The following S100Z variants were observed in gnomAD, a reference collection of about 807,000 sequenced individuals.
S100Z encodes the protein S100 calcium binding protein Z.
Under a neutral mutation model 8.5 loss-of-function variants are expected in S100Z, and 11 were observed. The observed-to-expected ratio is 1.30, with a 90% CI of 0.82 to 2.15. S100Z has a LOEUF of 2.15. Ranked by LOEUF, S100Z falls within the 30% of genes most tolerant of loss-of-function variation. The probability of loss-of-function intolerance (pLI) is 0.00; values close to 1 mark genes in which losing one functional copy is unlikely to be tolerated. For missense variants in S100Z, 126 were observed against 117.9 expected, an observed-to-expected ratio of 1.07 and a Z score of -0.32; for synonymous variants, 34 against 43.8, an observed-to-expected ratio of 0.78 and a Z score of 0.89.
intron 1 of S100Z, among the ~76,000 whole-genome samples, chr5:76,859,783 A>AAG (rs1193031401): frequency 1.3e-5 from 2 of 151,244 alleles, no homozygotes; most frequent in Non-Finnish European, 2.9e-5. Flanking sequence ...AAAAAAAAAA[A>AAG]AAGAAATAAG....
chr5:76,869,308 T>G (rs1742918379), intron 1 of S100Z, among the ~76,000 whole-genome samples: 1 of 150,464 alleles, frequency 6.6e-6, no homozygotes, highest in Admixed American at 6.6e-5. Context: ...AAACATAAGG[T>G]AGGAAATAGG....
At chr5:76,850,668 C>T (rs1750703625) in intron 1 of S100Z, among the ~76,000 whole-genome samples, 1 of 152,204 alleles carries the variant, frequency 6.6e-6, no homozygotes, top group African/African-American at 2.4e-5. Flanking sequence ...CTCCTCTTCA[C>T]ACTGGCCAGT....
chr5:76,877,624 C>T, intron 3 of S100Z, 50 bp from the exon 4 acceptor site: 2 of 1,083,302 alleles, frequency 1.8e-6, no homozygotes, highest in Non-Finnish European at 2.8e-6. Context: ...TTTCAATTGT[C>T]ATCATGAACC....
At chr5:76,878,000 T>C (rs1351023771) in intron 4 of S100Z, 166 bp downstream of exon 4, 4 of 443,594 alleles carry the variant, frequency 9.0e-6, no homozygotes, top group Non-Finnish European at 1.6e-5. Flanking sequence ...CCCCTTAAAA[T>C]ATTGACTTTA....
chr5:76,933,336 A>C, the S100Z span, among the ~76,000 whole-genome samples: 73 of 152,330 alleles, frequency 4.8e-4, 1 homozygote, highest in Middle Eastern at 0.014. Context: ...ACAGTGGAAC[A>C]GGGAAGAATC....
the S100Z span, among the ~76,000 whole-genome samples, chr5:76,949,307 T>C: frequency 6.6e-6 from 1 of 151,932 alleles, no homozygotes; most frequent in African/African-American, 2.4e-5. Context: ...GAGAATGGCG[T>C]GGACCCAGGA....
At chr5:76,892,298 A>G (rs1026492432) in intron 4 of S100Z, among the ~76,000 whole-genome samples, 4 of 151,962 alleles carry the variant, frequency 2.6e-5, no homozygotes, top group African/African-American at 9.7e-5. Flanking sequence ...AGACCATCCT[A>G]CTCTTTCAAA....
chr5:76,906,832 T>C (rs1426789937), intron 4 of S100Z, among the ~76,000 whole-genome samples: 4 of 151,462 alleles, frequency 2.6e-5, no homozygotes, highest in Non-Finnish European at 5.9e-5. Flanking sequence ...AGGGTATCAC[T>C]GTGTTGGCCA....
the S100Z span, among the ~76,000 whole-genome samples, chr5:76,934,645 T>G: frequency 6.6e-6 from 1 of 152,226 alleles, no homozygotes; most frequent in Non-Finnish European, 1.5e-5. Flanking sequence ...CTTGTTCTTT[T>G]GTCTCTTCCA....
intron 4 of S100Z, among the ~76,000 whole-genome samples, chr5:76,893,614 C>T (rs572518570): frequency 6.6e-6 from 1 of 152,104 alleles, no homozygotes; most frequent in South Asian, 2.1e-4. Flanking sequence ...ACCATTGAGA[C>T]AATTATGTTC....
At chr5:76,933,313 C>G in the S100Z span, among the ~76,000 whole-genome samples, 1 of 152,228 alleles carries the variant, frequency 6.6e-6, no homozygotes, top group Non-Finnish European at 1.5e-5. Flanking sequence ...CCAGTGGTGT[C>G]TCCTCTGTCA....
chr5:76,917,364 C>A (rs79287593), intron 4 of S100Z, among the ~76,000 whole-genome samples: 1 of 152,082 alleles, frequency 6.6e-6, no homozygotes. Flanking sequence ...TAGATAGTCA[C>A]AATAATTCTG....
chr5:76,915,524 C>T (rs759523011), intron 4 of S100Z, among the ~76,000 whole-genome samples: 1 of 151,886 alleles, frequency 6.6e-6, no homozygotes, highest in Non-Finnish European at 1.5e-5. Flanking sequence ...AGGAGAATGG[C>T]GTGAACCCGG....
chr5:76,928,979 AG>A, the S100Z span, among the ~76,000 whole-genome samples: 1 of 152,194 alleles, frequency 6.6e-6, no homozygotes, highest in Non-Finnish European at 1.5e-5. Flanking sequence ...GGGGCTCTCA[AG>A]TGTTCCTCCA....
At chr5:76,888,170 T>C (rs1743715418) in intron 4 of S100Z, among the ~76,000 whole-genome samples, 1 of 150,192 alleles carries the variant, frequency 6.7e-6, no homozygotes, top group Non-Finnish European at 1.5e-5. Context: ...GGCAGGAGAA[T>C]CGCTGGAACC....
chr5:76,897,398 G>A (rs550473669), intron 4 of S100Z, among the ~76,000 whole-genome samples: 8 of 151,820 alleles, frequency 5.3e-5, no homozygotes, highest in African/African-American at 1.2e-4. Context: ...AGCCAAGATC[G>A]TGCCACTGCA....
At chr5:76,911,745 G>A (rs1744668722) in intron 4 of S100Z, among the ~76,000 whole-genome samples, 1 of 152,146 alleles carries the variant, frequency 6.6e-6, no homozygotes, top group Admixed American at 6.6e-5. Context: ...GCCCAGCTTT[G>A]CCTATAGCAG....
chr5:76,878,391 G>A (rs1743275664), intron 4 of S100Z, among the ~76,000 whole-genome samples: 2 of 152,180 alleles, frequency 1.3e-5, no homozygotes, highest in South Asian at 4.1e-4. Context: ...TTGTGAGCTG[G>A]CATATAAATA....
downstream of S100Z, among the ~76,000 whole-genome samples, chr5:76,922,851 C>T (rs576821560): frequency 6.6e-6 from 1 of 152,128 alleles, no homozygotes; most frequent in Admixed American, 6.6e-5. Flanking sequence ...ACCATCTAGC[C>T]CCTCTTAGAA....
Sources: allele counts gnomAD v4.1 joint callset (sites outside exome capture counted in the v4.1 genomes callset), GRCh38; gene constraint gnomAD v4.1.1; transcripts MANE v1.5; gene names NCBI Gene and HGNC (gene_info 2026-07-23, HGNC 2026-07-21).